The following PCDHB16 variants were observed in gnomAD, a reference collection of about 807,000 sequenced individuals.
The protein encoded by PCDHB16 is protocadherin beta-16.
For missense variants in PCDHB16, 1,026 were observed against 989.9 expected, an observed-to-expected ratio of 1.04 and a Z score of -0.49; for synonymous variants, 444 against 436.5, an observed-to-expected ratio of 1.02 and a Z score of -0.21.
chr5:141,184,224 C>G lies in PCDHB16; in HGVS notation c.1665C>G (p.Asn555Lys), dbSNP rs782078950. ...TGCGCGTGCTGGTGCTGGACGCCAA[C>G]GACAACTCGCCCTTCGTGCTGTACC... is the stretch of plus-strand genomic sequence containing the variant. ...ALVRVLVLDA[N>K]DNSPFVLYPL... Residue 555 changes from asparagine to lysine, a missense_variant, in exon 1 of 1, where the codon AAC becomes AAG. Asn to Lys is a moderately conservative substitution (Grantham distance 94). Coordinates refer to ENST00000609684, the MANE Select transcript of PCDHB16 (RefSeq NM_020957.4). 6.4e-7 allele frequency: 1 copy of G among 1,568,502 alleles called. No homozygotes were observed. Among genetic ancestry groups the G allele is most frequent in the South Asian group, 1.1e-5 (1 of 89,452 alleles).
At position 141,182,661 on chromosome 5, in the gene PCDHB16, C is replaced by T. The variant is rs141220052; in HGVS notation, c.102C>T (p.Ser34=). The part of the protein sequence containing the change: ...SGAGAELGSY[S]VVEETERGSF... ...CGGGCGCCGAGTTGGGGTCCTATTCCGTAGTGGAAGAAACGGAGAGAGGCT... is the reference window on the plus strand; with the variant it reads ...CGGGCGCCGAGTTGGGGTCCTATTCTGTAGTGGAAGAAACGGAGAGAGGCT... The change falls in exon 1 of 1, where the codon TCC becomes TCT. Residue 34 remains serine, a synonymous_variant. Coordinates refer to ENST00000609684, the MANE Select transcript of PCDHB16 (RefSeq NM_020957.4). The T allele has an allele frequency of 9.9e-4, 1,597 of 1,606,518 alleles. 13 individuals carry two copies. In the African/African-American group the frequency reaches 0.017, roughly 18 times the overall value.
Position 141,183,051 on chromosome 5 carries a change from C to T in PCDHB16, c.492C>T (p.Ser164=). 5.6e-6 allele frequency: 9 copies of T among 1,614,144 alleles called. No individual in the cohort carries two copies. Among genetic ancestry groups the T allele is most frequent in the Non-Finnish European group, 6.8e-6 (8 of 1,180,036 alleles). The change falls in exon 1 of 1, where the codon AGC becomes AGT. Residue 164 remains serine (S), a synonymous_variant. Transcript: ENST00000609684. ...LNHALDLDVG[S]NNVQNYKISP... ...ATGCTTTGGACTTGGACGTAGGAAG[C>T]AATAATGTTCAAAACTATAAAATCA...
rs782474867 is a variant in PCDHB16 at position 141,183,151 on chromosome 5, A to G, written c.592A>G (p.Lys198Glu). 1.2e-6 allele frequency: 2 copies of G among 1,614,068 alleles called. No individual in the cohort carries two copies. Among genetic ancestry groups the G allele is most frequent in the Admixed American group, 3.3e-5 (2 of 60,006 alleles). Residue 198 changes from lysine to glutamate, a missense_variant, in exon 1 of 1, where the codon AAA becomes GAA. Transcript: ENST00000609684. Reference sequence around the variant, plus strand: ...GAAATACCCTGAGCTAGTGTTGGATAAAGAGCTGGATCGGGAGGAGGAGCC... The same window carrying G: ...GAAATACCCTGAGCTAGTGTTGGATGAAGAGCTGGATCGGGAGGAGGAGCC... ...GRKYPELVLDKELDREEEPQL... is the reference protein window; with the variant it reads ...GRKYPELVLDEELDREEEPQL...
At position 141,182,995 on chromosome 5, in the gene PCDHB16, A is replaced by T. The variant is rs1554282066; in HGVS notation, c.436A>T (p.Ser146Cys). 2 of 1,614,218 alleles carry T rather than the reference A, an allele frequency of 1.2e-6. No individual in the cohort carries two copies. Among genetic ancestry groups the T allele is most frequent in the Non-Finnish European group, 1.7e-6 (2 of 1,180,016 alleles). Reference protein sequence around the residue: ...KEMILKIPENSPLGTEFPLNH... With the variant: ...KEMILKIPENCPLGTEFPLNH... ...AATGATTCTAAAAATACCGGAAAAC[A>T]GTCCTCTAGGAACTGAGTTCCCTCT... Residue 146 changes from serine to cysteine, a missense_variant, in exon 1 of 1, where the codon AGT becomes TGT. Transcript: ENST00000609684.
rs782296065 is a variant in PCDHB16, at chr5:141,182,781, T to C, written c.222T>C (p.His74=). ...ARIISQGNKQ[H]LQLKAQTGDL... is the part of the protein sequence containing the mutation. ...TCATTTCCCAGGGGAACAAACAGCA[T>C]TTGCAGCTCAAGGCTCAAACTGGGG... is the stretch of plus-strand genomic sequence containing the variant. The change falls in exon 1 of 1, where the codon CAT becomes CAC. Residue 74 remains histidine, a synonymous_variant. Transcript: ENST00000609684. 3 of 1,614,042 alleles carry C rather than the reference T, an allele frequency of 1.9e-6. No individual in the cohort carries two copies. The highest frequency in any genetic ancestry group is 2.2e-5 in the East Asian group (1 of 44,864).
chr5:141,185,407 C>CTTTT lies in PCDHB16; in HGVS notation c.*527_*530dup. The CTTTT allele has an allele frequency of 3.2e-6, 2 of 622,524 alleles. No individual in the cohort carries two copies. The highest frequency in any genetic ancestry group is 4.0e-6 in the Non-Finnish European group (2 of 500,940). 38.6% of individuals were successfully genotyped at this position (622,524 alleles called of 1,614,324 possible). A position where few individuals can be genotyped will look rare whatever the true frequency, so the allele number is the denominator to read the frequency against. On this transcript the variant is annotated 3_prime_UTR_variant, in exon 1 of 1. Transcript: ENST00000609684. ...TTTCTTTCTTTCTTTTCTTTTCTTT[C>CTTTT]TTTTTTTTTTTTTCCTTTTTGAGAC...
At position 141,185,880 on chromosome 5, in the gene PCDHB16, C is replaced by T; in HGVS notation, c.*990C>T. 5 of 990,088 alleles carry T rather than the reference C, an allele frequency of 5.1e-6. No individual in the cohort carries two copies. The highest frequency in any genetic ancestry group is 6.1e-6 in the Non-Finnish European group (5 of 820,776). The allele number at this position is 990,088 out of a possible 1,614,324, so 61.3% of individuals were successfully genotyped here. On this transcript the variant is annotated 3_prime_UTR_variant, in exon 1 of 1. Transcript: ENST00000609684. ...AATAAAAAGAGAAGCCATTGTAAGA[C>T]ATTCAGTATGTGTAAATGTGTTTGT...
rs782324090 is a variant in PCDHB16, at chr5:141,182,539, C to A, written c.-21C>A. ...TGGGGATACATGAAGCTTCTGTGAACCAACTTTTCAAGAAAAAGCAATGGA... is the reference window on the plus strand; with the variant it reads ...TGGGGATACATGAAGCTTCTGTGAAACAACTTTTCAAGAAAAAGCAATGGA... On this transcript the variant is annotated 5_prime_UTR_variant, in exon 1 of 1. Coordinates refer to ENST00000609684, the MANE Select transcript of PCDHB16 (RefSeq NM_020957.4). 6.6e-6 allele frequency: 10 copies of A among 1,509,264 alleles called. No homozygotes were observed. Among genetic ancestry groups the A allele is most frequent in the Non-Finnish European group, 8.9e-6 (10 of 1,129,714 alleles). 93.5% of individuals were successfully genotyped at this position (1,509,264 alleles called of 1,614,324 possible). A position where few individuals can be genotyped will look rare whatever the true frequency, so the allele number is the denominator to read the frequency against.
chr5:141,185,085 C>G lies in PCDHB16; in HGVS notation c.*195C>G, dbSNP rs1024722166. ...AATTATATTGTTAATTCCAGTTTCCCTTTTCCTCATATTTACCCCGAAGAG... is the reference window on the plus strand; with the variant it reads ...AATTATATTGTTAATTCCAGTTTCCGTTTTCCTCATATTTACCCCGAAGAG... On this transcript the variant is annotated 3_prime_UTR_variant, in exon 1 of 1. Coordinates refer to ENST00000609684, the MANE Select transcript of PCDHB16 (RefSeq NM_020957.4). 5 of 1,415,618 alleles carry G rather than the reference C, an allele frequency of 3.5e-6. No homozygotes were observed. Among genetic ancestry groups the G allele is most frequent in the Non-Finnish European group, 4.6e-6 (5 of 1,083,480 alleles). The allele number at this position is 1,415,618 out of a possible 1,614,324, so 87.7% of individuals were successfully genotyped here.
At position 141,184,420 on chromosome 5, in the gene PCDHB16, A is replaced by G. The variant is rs1554282372; in HGVS notation, c.1861A>G (p.Asn621Asp). 10 of 1,607,106 alleles carry G rather than the reference A, an allele frequency of 6.2e-6. No homozygotes were observed. The highest frequency in any genetic ancestry group is 7.6e-6 in the Non-Finnish European group (9 of 1,179,454). ...CGGGCTGTTCGGTGTGTGGGCGCAC[A>G]ATGGCGAGGTGCGCACCGCCAGGCT... ...EPGLFGVWAH[N>D]GEVRTARLLS... is the part of the protein sequence containing the mutation. The change falls in exon 1 of 1, where the codon AAT becomes GAT. Residue 621 changes from asparagine to aspartate, a missense_variant. Coordinates refer to ENST00000609684, the MANE Select transcript of PCDHB16 (RefSeq NM_020957.4).
chr5:141,185,055 G>A lies in PCDHB16; in HGVS notation c.*165G>A. 2 of 1,439,784 alleles carry A rather than the reference G, an allele frequency of 1.4e-6. No individual in the cohort carries two copies. Among genetic ancestry groups the A allele is most frequent in the South Asian group, 1.6e-5 (1 of 63,460 alleles). The allele number at this position is 1,439,784 out of a possible 1,614,324, so 89.2% of individuals were successfully genotyped here. ...ATAAGGTATTTTTCTCTGATTGTTAGTTCAAATTATATTGTTAATTCCAGT... is the reference window on the plus strand; with the variant it reads ...ATAAGGTATTTTTCTCTGATTGTTAATTCAAATTATATTGTTAATTCCAGT... On this transcript the variant is annotated 3_prime_UTR_variant, in exon 1 of 1. Coordinates refer to ENST00000609684, the MANE Select transcript of PCDHB16 (RefSeq NM_020957.4).
rs1307739360 is a variant in PCDHB16, at chr5:141,182,926, G to T, written c.367G>T (p.Val123Leu). Residue 123 changes from valine to leucine, a missense_variant, in exon 1 of 1, where the codon GTG becomes TTG. Coordinates refer to ENST00000609684, the MANE Select transcript of PCDHB16 (RefSeq NM_020957.4). ...AGAAATATTTCAGGCTGAACTGAGGGTGATAGATATAAATGACCATTCTCC... is the reference window on the plus strand; with the variant it reads ...AGAAATATTTCAGGCTGAACTGAGGTTGATAGATATAAATGACCATTCTCC... ...PLEIFQAELR[V>L]IDINDHSPMF... The T allele has an allele frequency of 3.7e-6, 6 of 1,614,004 alleles. No individual in the cohort carries two copies. Among genetic ancestry groups the T allele is most frequent in the Non-Finnish European group, 5.1e-6 (6 of 1,180,034 alleles).
chr5:141,183,902 C>A lies in PCDHB16; in HGVS notation c.1343C>A (p.Ala448Asp). ...TVQISDVNDNAPTFTQTSYTL... is the reference protein window; with the variant it reads ...TVQISDVNDNDPTFTQTSYTL... ...CAGATATCAGATGTCAATGATAACG[C>A]CCCCACTTTCACCCAAACCTCCTAC... The change falls in exon 1 of 1, where the codon GCC becomes GAC. Residue 448 changes from alanine to aspartate, a missense_variant. Ala to Asp is a moderately radical substitution (Grantham distance 126). Transcript: ENST00000609684. The A allele has an allele frequency of 3.1e-6, 5 of 1,614,130 alleles. No individual in the cohort carries two copies. Among genetic ancestry groups the A allele is most frequent in the Non-Finnish European group, 4.2e-6 (5 of 1,180,016 alleles).
chr5:141,182,416 G>C lies in PCDHB16; in HGVS notation c.-144G>C, dbSNP rs905232888. 3.3e-5 allele frequency: 21 copies of C among 637,752 alleles called. No individual in the cohort carries two copies. Among genetic ancestry groups the C allele is most frequent in the Non-Finnish European group, 4.8e-5 (19 of 399,694 alleles). 39.5% of individuals were successfully genotyped at this position (637,752 alleles called of 1,614,324 possible). ...CCCAAAGCCTGGAAGCAGAAGAATA[G>C]CTGAGCCAGAGCGAACGTGAGTGTG... On this transcript the variant is annotated 5_prime_UTR_variant, in exon 1 of 1. Transcript: ENST00000609684.
Position 141,185,724 on chromosome 5 carries a change from T to G in PCDHB16, c.*834T>G. 1.0e-6 allele frequency: 1 copy of G among 998,148 alleles called. No individual in the cohort carries two copies. The highest frequency in any genetic ancestry group is 1.2e-6 in the Non-Finnish European group (1 of 828,120). 61.8% of individuals were successfully genotyped at this position (998,148 alleles called of 1,614,324 possible). A position where few individuals can be genotyped will look rare whatever the true frequency, so the allele number is the denominator to read the frequency against. ...ATCCAAAGTTTTATTTATTTATTTT[T>G]TTGAGATGGAGTCTCGTAAAGTTAC... On this transcript the variant is annotated 3_prime_UTR_variant, in exon 1 of 1. Coordinates refer to ENST00000609684, the MANE Select transcript of PCDHB16 (RefSeq NM_020957.4).
In PCDHB16 at chr5:141,184,005, C is replaced by T; in HGVS notation, c.1446C>T (p.Thr482=). 6.2e-7 allele frequency: 1 copy of T among 1,608,394 alleles called. No individual in the cohort carries two copies. Among genetic ancestry groups the T allele is most frequent in the Non-Finnish European group, 8.5e-7 (1 of 1,179,146 alleles). The stretch of plus-strand genomic sequence containing the variant: ...GCGCCACAGACAGAGACTCGGGCAC[C>T]AACGCCCAGGTCACCTACTCGCTGC... ...SVSATDRDSG[T]NAQVTYSLLP... Residue 482 remains threonine, a synonymous_variant, in exon 1 of 1, where the codon ACC becomes ACT. Transcript: ENST00000609684.
chr5:141,182,524 T>C lies in PCDHB16; in HGVS notation c.-36T>C, dbSNP rs781949584. The C allele has an allele frequency of 8.7e-6, 13 of 1,501,432 alleles. No individual in the cohort carries two copies. The highest frequency in any genetic ancestry group is 8.9e-7 in the Non-Finnish European group (1 of 1,123,278). The allele number at this position is 1,501,432 out of a possible 1,614,324, so 93.0% of individuals were successfully genotyped here. A position where few individuals can be genotyped will look rare whatever the true frequency, so the allele number is the denominator to read the frequency against. The stretch of plus-strand genomic sequence containing the variant: ...GTTCTACTAGGATCCTGGGGATACA[T>C]GAAGCTTCTGTGAACCAACTTTTCA... On this transcript the variant is annotated 5_prime_UTR_variant, in exon 1 of 1. An upstream start codon of the reference 5' UTR is lost. Coordinates refer to ENST00000609684, the MANE Select transcript of PCDHB16 (RefSeq NM_020957.4).
In PCDHB16 at chr5:141,183,176, C is replaced by T; in HGVS notation, c.617C>T (p.Pro206Leu). ...AAAGAGCTGGATCGGGAGGAGGAGC[C>T]TCAACTAAGATTAACCCTGACAGCG... ...LDKELDREEE[P>L]QLRLTLTALD... Residue 206 changes from proline to leucine, a missense_variant, in exon 1 of 1, where the codon CCT (proline) becomes CTT (leucine). Physicochemically the swap from Pro to Leu is moderately conservative, Grantham distance 98. Transcript: ENST00000609684. 1 of 1,614,184 alleles carries T rather than the reference C, an allele frequency of 6.2e-7. No homozygotes were observed. Among genetic ancestry groups the T allele is most frequent in the South Asian group, 1.1e-5 (1 of 91,078 alleles).
chr5:141,183,921 C>T lies in PCDHB16; in HGVS notation c.1362C>T (p.Thr454=). The change falls in exon 1 of 1, where the codon ACC becomes ACT. Residue 454 remains threonine (T), a synonymous_variant. Coordinates refer to ENST00000609684, the MANE Select transcript of PCDHB16 (RefSeq NM_020957.4). ...ATAACGCCCCCACTTTCACCCAAACCTCCTACACCCTGTTCGTCCGCGAGA... is the reference window on the plus strand; with the variant it reads ...ATAACGCCCCCACTTTCACCCAAACTTCCTACACCCTGTTCGTCCGCGAGA... ...VNDNAPTFTQ[T]SYTLFVRENN... 1.9e-6 allele frequency: 3 copies of T among 1,614,074 alleles called. No individual in the cohort carries two copies. The highest frequency in any genetic ancestry group is 2.5e-6 in the Non-Finnish European group (3 of 1,180,030).
Sources: allele counts gnomAD v4.1 joint callset, GRCh38; gene constraint gnomAD v4.1.1; transcripts MANE v1.5; gene names NCBI Gene and HGNC (gene_info 2026-07-23, HGNC 2026-07-21).